Variants in PIK3AP1 observed in about 807,000 individuals in gnomAD.
PIK3AP1 encodes phosphoinositide-3-kinase adaptor protein 1, also known as phosphoinositide 3-kinase adapter protein 1.
A neutral mutation model predicts 88.1 loss-of-function variants in PIK3AP1; 21 were observed. The ratio of observed to expected loss-of-function variants is 0.24; its 90% confidence interval spans 0.17 to 0.34. PIK3AP1 has a LOEUF of 0.34. Ranked by LOEUF, PIK3AP1 falls within the 10% of genes least tolerant of loss-of-function variation. The pLI, the probability that PIK3AP1 is intolerant of heterozygous loss-of-function variation, is 1.00. For missense variants in PIK3AP1, 828 were observed against 1,035.7 expected (o/e 0.80, Z 2.75); for synonymous variants, 398 against 400.0 (o/e 1.00, Z 0.06).
chr10:96,659,976 TAA>T (rs1843664325), intron 2 of PIK3AP1, among the ~76,000 whole-genome samples: 1 of 152,032 alleles, frequency 6.6e-6, no homozygotes, highest in South Asian at 2.1e-4. Flanking sequence ...CGTCTTCTAG[TAA>T]AGTTTTAAAA....
chr10:96,606,978 G>A (rs754267922), intron 14 of PIK3AP1, among the ~76,000 whole-genome samples: 2 of 152,220 alleles, frequency 1.3e-5, no homozygotes, highest in Non-Finnish European at 2.9e-5. Context: ...GACAACCTAG[G>A]AGGTCAACAG....
At chr10:96,639,262 A>G (rs1843353948) in intron 8 of PIK3AP1, among the ~76,000 whole-genome samples, 1 of 152,124 alleles carries the variant, frequency 6.6e-6, no homozygotes, top group Non-Finnish European at 1.5e-5. Flanking sequence ...AAAGTCGAGA[A>G]TTACATCTTA....
intron 16 of PIK3AP1, among the ~76,000 whole-genome samples, chr10:96,598,210 A>AT (rs931922112): frequency 6.6e-6 from 1 of 151,168 alleles, no homozygotes; most frequent in Non-Finnish European, 1.5e-5. Flanking sequence ...CACCTGGCTA[A>AT]TTTTTTTTGT....
intron 14 of PIK3AP1, among the ~76,000 whole-genome samples, chr10:96,606,876 T>A (rs1433200664): frequency 1.3e-5 from 2 of 152,164 alleles, no homozygotes; most frequent in Non-Finnish European, 2.9e-5. Flanking sequence ...AATGACCATA[T>A]AAAAGTATAA....
intron 13 of PIK3AP1, among the ~76,000 whole-genome samples, chr10:96,614,198 C>T (rs2134194654): frequency 6.6e-6 from 1 of 152,278 alleles, no homozygotes; most frequent in Middle Eastern, 3.4e-3. Flanking sequence ...ACTAGGACTC[C>T]TGGGCCTTCA....
chr10:96,596,221 C>A (rs930297035), intron 16 of PIK3AP1, among the ~76,000 whole-genome samples: 2 of 152,168 alleles, frequency 1.3e-5, no homozygotes, highest in South Asian at 2.1e-4. Flanking sequence ...CTAGAGTCAG[C>A]CCTTATGCCT....
chr10:96,635,318 T>C (rs955769991), intron 8 of PIK3AP1, among the ~76,000 whole-genome samples: 4 of 152,236 alleles, frequency 2.6e-5, no homozygotes, highest in African/African-American at 9.6e-5. Flanking sequence ...GAGTCCATCA[T>C]GTTTACACAC....
At chr10:96,686,800 A>G (rs1844075466) in intron 2 of PIK3AP1, among the ~76,000 whole-genome samples, 1 of 151,824 alleles carries the variant, frequency 6.6e-6, no homozygotes, top group African/African-American at 2.4e-5. Context: ...ATCCAAACCA[A>G]CTTGGTTCGT....
chr10:96,647,406 C>T (rs148765666), intron 7 of PIK3AP1, among the ~76,000 whole-genome samples: 375 of 152,246 alleles, frequency 2.5e-3, no homozygotes, highest in African/African-American at 8.7e-3. Context: ...AATACATTTT[C>T]AAATCAAATA....
intron 13 of PIK3AP1, 116 bp downstream of exon 13, chr10:96,616,523 G>T: frequency 1.9e-6 from 2 of 1,048,064 alleles, no homozygotes; most frequent in African/African-American, 1.6e-5. Flanking sequence ...TCTGTAAACA[G>T]TATGACGAGT....
intron 2 of PIK3AP1, among the ~76,000 whole-genome samples, chr10:96,709,185 G>A (rs1844406109): frequency 1.3e-5 from 2 of 150,192 alleles, no homozygotes; most frequent in African/African-American, 4.9e-5. Context: ...TTCGCGTGAT[G>A]ATAAAATGGA....
In PIK3AP1 at chr10:96,652,704, C is replaced by G; in HGVS notation, c.706G>C (p.Ala236Pro). 6.2e-7 allele frequency: 1 copy of G among 1,614,058 alleles called. No individual in the cohort carries two copies. Among genetic ancestry groups the G allele is most frequent in the Non-Finnish European group, 8.5e-7 (1 of 1,179,974 alleles). Reference protein sequence around the residue: ...VENEYTISVKAPNLSSGNVSL... With the variant: ...VENEYTISVKPPNLSSGNVSL... ...TTCACAGGGGACTACTTACTGGGAG[C>G]CTTCACTGAAATGGTGTACTCATTC... Residue 236 changes from alanine to proline, a missense_variant, in exon 4 of 17, where the codon GCT becomes CCT. Ala to Pro is a conservative substitution (Grantham distance 27). Coordinates refer to ENST00000339364, the MANE Select transcript of PIK3AP1 (RefSeq NM_152309.3).
chr10:96,634,670 C>T (rs1361575400), intron 8 of PIK3AP1, among the ~76,000 whole-genome samples: 1 of 152,170 alleles, frequency 6.6e-6, no homozygotes, highest in African/African-American at 2.4e-5. Flanking sequence ...CCAGGCACTA[C>T]ATTTTCATGG....
At chr10:96,633,382 C>T (rs941861529) in intron 8 of PIK3AP1, 2 of 208,456 alleles carry the variant, frequency 9.6e-6, no homozygotes, top group Non-Finnish European at 1.9e-5. Flanking sequence ...TTCTCTTTGC[C>T]CATAATTATC....
chr10:96,614,977 G>C (rs529301292), intron 13 of PIK3AP1, among the ~76,000 whole-genome samples: 1 of 152,342 alleles, frequency 6.6e-6, no homozygotes, highest in Admixed American at 6.5e-5. Context: ...TGTAAAAAGA[G>C]AGGATGCCAG....
At chr10:96,660,174 G>A (rs530418689) in intron 2 of PIK3AP1, among the ~76,000 whole-genome samples, 14 of 152,174 alleles carry the variant, frequency 9.2e-5, no homozygotes, top group Non-Finnish European at 1.6e-4. Context: ...AGAATGCAGA[G>A]ATAAGCGATC....
At chr10:96,644,277 A>T (rs1053494985) in intron 8 of PIK3AP1, among the ~76,000 whole-genome samples, 6 of 152,250 alleles carry the variant, frequency 3.9e-5, no homozygotes, top group Non-Finnish European at 8.8e-5. Context: ...GTGACTTTCA[A>T]ATATTTCCCT....
At chr10:96,697,171 T>C (rs1844232096) in intron 2 of PIK3AP1, among the ~76,000 whole-genome samples, 1 of 152,182 alleles carries the variant, frequency 6.6e-6, no homozygotes, top group South Asian at 2.1e-4. Flanking sequence ...AGTCAAAATA[T>C]GACTCCGTGA....
chr10:96,676,136 G>A (rs1843915797), intron 2 of PIK3AP1, among the ~76,000 whole-genome samples: 1 of 152,068 alleles, frequency 6.6e-6, no homozygotes, highest in Non-Finnish European at 1.5e-5. Context: ...TCCTCAGCCT[G>A]TCCCATGCCA....
Sources: gnomAD v4.1 joint callset for allele counts (sites outside exome capture counted in the v4.1 genomes callset) on GRCh38, gnomAD v4.1.1 for gene constraint, MANE v1.5 for transcripts, NCBI Gene and HGNC (gene_info 2026-07-23, HGNC 2026-07-21) for gene names.